APC: variants seen among roughly 807,000 people sequenced by gnomAD.
APC encodes the protein adenomatous polyposis coli protein.
APC carries 72 observed loss-of-function variants against 247.0 expected under a neutral mutation model. The observed-to-expected ratio is 0.29, with a 90% CI of 0.24 to 0.35. APC has a LOEUF of 0.35. Ranked by LOEUF, APC falls within the 10% of genes least tolerant of loss-of-function variation. The probability of loss-of-function intolerance (pLI) is 1.00; values close to 1 mark genes in which losing one functional copy is unlikely to be tolerated. For synonymous variants in APC, 1,254 were observed against 1,162.5 expected, an observed-to-expected ratio of 1.08 and a Z score of -1.60; for missense variants, 3,400 against 3,360.7, an observed-to-expected ratio of 1.01 and a Z score of -0.29.
chr5:112,736,056 G>T (rs972736662), upstream of APC, among the ~76,000 whole-genome samples: 1 of 152,116 alleles, frequency 6.6e-6, no homozygotes, highest in Admixed American at 6.5e-5. Context: ...TTGAAAGACT[G>T]TTTTCCTTCT....
At chr5:112,794,731 C>T (rs1036402775) in intron 7 of APC, among the ~76,000 whole-genome samples, 23 of 152,172 alleles carry the variant, frequency 1.5e-4, no homozygotes, top group African/African-American at 4.1e-4. Flanking sequence ...CAGATGCCAG[C>T]CACAAATGTT....
In APC at chr5:112,766,344, CA is replaced by C. The variant is rs1581160123; in HGVS notation, c.156del (p.Gly53GlufsTer17). ...SNMKEVLKQL[Q>X]GSIEDEAMAS... ...TTAACAGGAAGTACTTAAACAACTA[CA>C]AGGAAGTATTGAAGATGAAGCTATG... On this transcript the variant is annotated frameshift_variant, in exon 3 of 16. Coordinates refer to ENST00000257430, the MANE Select transcript of APC (RefSeq NM_000038.6). LOFTEE classifies it high-confidence loss of function. 6.2e-7 allele frequency: 1 copy of C among 1,607,620 alleles called. No individual in the cohort carries two copies. Among genetic ancestry groups the C allele is most frequent in the Non-Finnish European group, 8.5e-7 (1 of 1,174,382 alleles).
At chr5:112,796,045 G>A (rs1433578739) in intron 7 of APC, among the ~76,000 whole-genome samples, 1 of 152,178 alleles carries the variant, frequency 6.6e-6, no homozygotes. Flanking sequence ...AATTTACACA[G>A]TAGGAGAGAA....
chr5:112,844,406 C>G lies in APC; in HGVS notation c.*280C>G, dbSNP rs1442072260. On this transcript the variant is annotated 3_prime_UTR_variant, in exon 16 of 16. Transcript: ENST00000257430. ...TAAAGTAGCATCCCATCCCAACTTC[C>G]TTTAATTATTGCTTGTCTTAAAATA... 2.7e-6 allele frequency: 1 copy of G among 372,482 alleles called. No individual in the cohort carries two copies. Among genetic ancestry groups the G allele is most frequent in the Non-Finnish European group, 4.8e-6 (1 of 207,746 alleles). 23.1% of individuals were successfully genotyped at this position (372,482 alleles called of 1,614,324 possible).
In APC at chr5:112,838,266, T is replaced by C. The variant is rs876660004; in HGVS notation, c.2672T>C (p.Met891Thr). 5 of 1,614,086 alleles carry C rather than the reference T, an allele frequency of 3.1e-6. No homozygotes were observed. The Admixed American group carries it at 6.7e-5, about 22-fold the overall frequency. Residue 891 changes from methionine (M) to threonine (T), a missense_variant, in exon 16 of 16, where the codon ATG (methionine) becomes ACG (threonine). Coordinates refer to ENST00000257430, the MANE Select transcript of APC (RefSeq NM_000038.6). ...ACTGCAGCCCAGATTGCCAAAGTCA[T>C]GGAAGAAGTGTCAGCCATTCATACC... ...STTAAQIAKV[M>T]EEVSAIHTSQ...
rs1766280100 is a variant in APC at position 112,842,295 on chromosome 5, C to T, written c.6701C>T (p.Pro2234Leu). ...ISRGRTMIHI[P>L]GVRNSSSSTS... ...CGAGGCAGGACAATGATTCATATTCCAGGAGTTCGAAATAGCTCCTCAAGT... is the reference window on the plus strand; with the variant it reads ...CGAGGCAGGACAATGATTCATATTCTAGGAGTTCGAAATAGCTCCTCAAGT... The change falls in exon 16 of 16, where the codon CCA becomes CTA. Residue 2234 changes from proline (P) to leucine (L), a missense_variant. Physicochemically the swap from Pro to Leu is moderately conservative, Grantham distance 98. Around this residue, in one of 9 missense-constraint regions of APC, gnomAD observed 1,788 missense variants for 1,649.5 expected, o/e 1.08. Coordinates refer to ENST00000257430, the MANE Select transcript of APC (RefSeq NM_000038.6). The T allele has an allele frequency of 6.2e-7, 1 of 1,613,848 alleles. No individual in the cohort carries two copies. Among genetic ancestry groups the T allele is most frequent in the Non-Finnish European group, 8.5e-7 (1 of 1,179,812 alleles).
rs1396748837 is a variant in APC at position 112,841,744 on chromosome 5, G to C, written c.6150G>C (p.Lys2050Asn). ...QECISSAMPK[K>N]KKPSRLKGDN... ...GTATAAGCTCCGCAATGCCAAAAAA[G>C]AAAAAGCCTTCAAGACTCAAGGGTG... Residue 2050 changes from lysine (K) to asparagine (N), a missense_variant, in exon 16 of 16, where the codon AAG becomes AAC. Coordinates refer to ENST00000257430, the MANE Select transcript of APC (RefSeq NM_000038.6). This position sits in a 1 kb window ranked among gnomAD's most constrained non-coding sequence, Gnocchi z 4.6. 1.2e-6 allele frequency: 2 copies of C among 1,613,798 alleles called. No homozygotes were observed. Among genetic ancestry groups the C allele is most frequent in the African/African-American group, 2.7e-5 (2 of 74,908 alleles).
chr5:112,800,817 T>G (rs1213928496), intron 7 of APC, among the ~76,000 whole-genome samples: 3 of 151,996 alleles, frequency 2.0e-5, no homozygotes, highest in African/African-American at 7.2e-5. Context: ...CACCTAACTT[T>G]TATTAGAAGA....
intron 1 of APC, among the ~76,000 whole-genome samples, chr5:112,731,727 T>C (rs1156647153): frequency 6.6e-6 from 1 of 152,194 alleles, no homozygotes; most frequent in Non-Finnish European, 1.5e-5. Flanking sequence ...CTTTGATCAT[T>C]TGATATACTA....
intron 4 of APC, among the ~76,000 whole-genome samples, chr5:112,768,363 CA>C (rs200950003): frequency 0.017 from 1,921 of 112,908 alleles, 22 homozygotes; most frequent in Middle Eastern, 0.029. Context: ...GTCTCTTTAC[CA>C]AAAAAAAAAA....
chr5:112,819,429 C>G (rs1282106713), intron 10 of APC, 85 bp downstream of exon 10: 11 of 1,540,296 alleles, frequency 7.1e-6, no homozygotes, highest in Non-Finnish European at 8.9e-6. Flanking sequence ...AGTTAATATG[C>G]TGTCTTTATG....
rs79554266 is a variant in APC at position 112,769,379 on chromosome 5, T to G, written c.422+1989T>G. 4.4e-3 allele frequency among the ~76,000 whole-genome samples: 670 copies of G among 152,256 alleles called. 7 individuals carry two copies. Among genetic ancestry groups the G allele is most frequent in the African/African-American group, 0.016 (647 of 41,564 alleles). ...AAAACATTTCTTAATGTATAAGTTT[T>G]AATACCTGAAAAAAAATTGCTTGAT... On this transcript the variant is annotated intron_variant, in intron 4 of 15. Coordinates refer to ENST00000257430, the MANE Select transcript of APC (RefSeq NM_000038.6).
intron 14 of APC, among the ~76,000 whole-genome samples, chr5:112,832,916 G>A (rs1262012971): frequency 6.6e-6 from 1 of 152,064 alleles, no homozygotes; most frequent in African/African-American, 2.4e-5. Flanking sequence ...ATCCTCTAGA[G>A]TGCCTCTCAT....
intron 6 of APC, among the ~76,000 whole-genome samples, chr5:112,784,428 A>G (rs1181968656): frequency 6.6e-6 from 1 of 152,214 alleles, no homozygotes; most frequent in African/African-American, 2.4e-5. Context: ...ACAATTTGGC[A>G]TTATTTGCCA....
At chr5:112,754,829 A>G in intron 1 of APC, 44 bp from the exon 2 acceptor site, 2 of 1,599,994 alleles carry the variant, frequency 1.3e-6, no homozygotes, top group Non-Finnish European at 1.7e-6. Context: ...AGCAGCCACT[A>G]AATTTTTTAG....
In APC at chr5:112,801,339, C is replaced by G. The variant is rs1434813233; in HGVS notation, c.790C>G (p.Gln264Glu). Reference protein sequence around the residue: ...SHDAERQNEGQGVGEINMATS... With the variant: ...SHDAERQNEGEGVGEINMATS... ...TGATGCTGAGCGGCAGAATGAAGGTCAAGGAGTGGGAGAAATCAACATGGC... is the reference window on the plus strand; with the variant it reads ...TGATGCTGAGCGGCAGAATGAAGGTGAAGGAGTGGGAGAAATCAACATGGC... The change falls in exon 8 of 16, where the codon CAA (glutamine) becomes GAA (glutamate). Residue 264 changes from glutamine (Q) to glutamate (E), a missense_variant. Transcript: ENST00000257430. 1.2e-6 allele frequency: 2 copies of G among 1,612,750 alleles called. No homozygotes were observed. Among genetic ancestry groups the G allele is most frequent in the Non-Finnish European group, 1.7e-6 (2 of 1,179,130 alleles).
chr5:112,816,233 C>G (rs1211521385), intron 9 of APC, among the ~76,000 whole-genome samples: 2 of 152,230 alleles, frequency 1.3e-5, no homozygotes, highest in Admixed American at 1.3e-4. Context: ...TTCCCAAGGT[C>G]CTCTTACCTC....
Position 112,824,399 on chromosome 5 carries a change from G to A in APC, c.1408+2408G>A, listed in dbSNP as rs1480491881. Among the ~76,000 whole-genome samples the A allele has an allele frequency of 3.3e-5, 5 of 152,036 alleles. No individual in the cohort carries two copies. In the South Asian group the frequency reaches 6.2e-4, roughly 19 times the overall value. On this transcript the variant is annotated intron_variant, in intron 11 of 15. Transcript: ENST00000257430. The stretch of plus-strand genomic sequence containing the variant: ...AAAATTCTCTGAAATCTTTTCATTT[G>A]CCTGAAATCAAAAAGCACTTCCTCT...
chr5:112,724,949 GTCTT>G (rs1473541180), intron 1 of APC, among the ~76,000 whole-genome samples: 1 of 151,932 alleles, frequency 6.6e-6, no homozygotes, highest in East Asian at 1.9e-4. Context: ...ATCTTGAAGG[GTCTT>G]TCTAACAGCT....
Sources: gnomAD v4.1 joint callset for allele counts (sites outside exome capture counted in the v4.1 genomes callset) on GRCh38, gnomAD v4.1.1 for gene constraint, gnomAD v4.1.1 regional missense constraint, Gnocchi (gnomAD v3.1) non-coding constraint, MANE v1.5 for transcripts, NCBI Gene and HGNC (gene_info 2026-07-23, HGNC 2026-07-21) for gene names.